The following SHLD2 variants were observed in gnomAD, a reference collection of about 807,000 sequenced individuals.
The protein encoded by SHLD2 is shieldin complex subunit 2.
Under a neutral mutation model 73.2 loss-of-function variants are expected in SHLD2, and 30 were observed. That is an observed-to-expected ratio of 0.41 (90% CI 0.31 to 0.56). SHLD2 has a LOEUF of 0.56. Among genes scored for constraint, SHLD2 ranks in the 20% least tolerant of loss-of-function variants. SHLD2 has a pLI of 0.28. For synonymous variants in SHLD2, 285 were observed against 370.1 expected, an observed-to-expected ratio of 0.77 and a Z score of 2.64; for missense variants, 745 against 1,055.9, an observed-to-expected ratio of 0.71 and a Z score of 4.08.
intron 2 of SHLD2, among the ~76,000 whole-genome samples, chr10:87,135,949 A>G (rs1262391583): frequency 2.0e-5 from 3 of 151,448 alleles, no homozygotes; most frequent in Non-Finnish European, 4.4e-5. Flanking sequence ...TACATACTGT[A>G]CTCTTTGGAA....
chr10:87,161,011 G>A (rs1417130603), intron 4 of SHLD2, among the ~76,000 whole-genome samples: 3 of 151,532 alleles, frequency 2.0e-5, no homozygotes, highest in African/African-American at 7.3e-5. Context: ...GAAAGAAGAG[G>A]CATTTGAATG....
intron 2 of SHLD2, among the ~76,000 whole-genome samples, chr10:87,140,999 G>T (rs927005325): frequency 1.3e-5 from 2 of 151,706 alleles, no homozygotes; most frequent in East Asian, 1.9e-4. Flanking sequence ...CCAAAAAAAG[G>T]CGAGGCACAG....
intron 2 of SHLD2, among the ~76,000 whole-genome samples, chr10:87,118,205 A>G (rs1843372709): frequency 6.6e-6 from 1 of 152,210 alleles, no homozygotes; most frequent in African/African-American, 2.4e-5. Flanking sequence ...GCCTATAACC[A>G]GTATGGAAAC....
At chr10:87,165,670 G>C (rs905988762) in intron 4 of SHLD2, among the ~76,000 whole-genome samples, 1 of 152,142 alleles carries the variant, frequency 6.6e-6, no homozygotes, top group Admixed American at 6.5e-5. Context: ...AGACCAAAGA[G>C]AAATAACAAC....
At chr10:87,136,271 G>A (rs1425814071) in intron 2 of SHLD2, among the ~76,000 whole-genome samples, 1 of 151,910 alleles carries the variant, frequency 6.6e-6, no homozygotes, top group Non-Finnish European at 1.5e-5. Context: ...GTGTATGTGT[G>A]TTTGCACTTT....
chr10:87,172,869 C>T (rs1847687594), intron 6 of SHLD2, among the ~76,000 whole-genome samples: 1 of 151,870 alleles, frequency 6.6e-6, no homozygotes, highest in Admixed American at 6.6e-5. Context: ...TAGCAAAATG[C>T]TAGCAGTGGT....
rs764204596 is a variant in SHLD2, at chr10:87,120,254, A to ATTT, written c.-6+23266_-6+23268dup. Among the ~76,000 whole-genome samples the ATTT allele has an allele frequency of 4.9e-3, 730 of 149,598 alleles. 7 individuals carry two copies. The highest frequency in any genetic ancestry group is 0.017 in the African/African-American group (695 of 39,804). ...TATTTATTTATTTATTTATTTATTT[A>ATTT]TTTATTTTTTTGAGACAGAGTCTTG... On this transcript the variant is annotated intron_variant, in intron 2 of 9. Transcript: ENST00000298786.
chr10:87,105,128 C>T (rs1037925375), intron 2 of SHLD2, among the ~76,000 whole-genome samples: 1 of 152,114 alleles, frequency 6.6e-6, no homozygotes, highest in African/African-American at 2.4e-5. Context: ...ATGTGGACCA[C>T]CCTCTAGAAA....
intron 3 of SHLD2, chr10:87,153,915 T>G (rs1395986528): frequency 6.6e-6 from 1 of 152,210 alleles, no homozygotes; most frequent in Non-Finnish European, 1.5e-5. Flanking sequence ...TTAATTTATT[T>G]ATTTTTAAGA....
At chr10:87,148,889 T>TC (rs1845819994) in intron 2 of SHLD2, among the ~76,000 whole-genome samples, 1 of 150,744 alleles carries the variant, frequency 6.6e-6, no homozygotes, top group African/African-American at 2.4e-5. Flanking sequence ...CAACTTTTTT[T>TC]TTTTTTTTTT....
At chr10:87,121,721 G>C (rs995203737) in intron 2 of SHLD2, among the ~76,000 whole-genome samples, 6 of 150,624 alleles carry the variant, frequency 4.0e-5, no homozygotes, top group Non-Finnish European at 8.9e-5. Context: ...ATTTGGCTTT[G>C]CCTGTAATCA....
chr10:87,132,257 C>G (rs1349494242), intron 2 of SHLD2, among the ~76,000 whole-genome samples: 2 of 151,588 alleles, frequency 1.3e-5, no homozygotes, highest in Non-Finnish European at 2.9e-5. Context: ...GTTTATTTAC[C>G]AGGTTATTTG....
At chr10:87,149,405 T>C (rs962151627) in intron 2 of SHLD2, among the ~76,000 whole-genome samples, 1 of 152,028 alleles carries the variant, frequency 6.6e-6, no homozygotes, top group African/African-American at 2.4e-5. Context: ...ATAGCAATAG[T>C]AGTGATTCTT....
chr10:87,100,327 A>C (rs535242632), intron 2 of SHLD2, among the ~76,000 whole-genome samples: 1 of 152,272 alleles, frequency 6.6e-6, no homozygotes, highest in East Asian at 1.9e-4. Context: ...TATCCAGTTC[A>C]TTTGCTCAAA....
intron 4 of SHLD2, among the ~76,000 whole-genome samples, chr10:87,169,843 T>G (rs1244440241): frequency 6.6e-6 from 1 of 152,066 alleles, no homozygotes; most frequent in Non-Finnish European, 1.5e-5. Context: ...ATCCAACACT[T>G]GAAAAATATT....
intron 2 of SHLD2, among the ~76,000 whole-genome samples, chr10:87,142,569 A>G (rs555634245): frequency 6.6e-6 from 1 of 152,214 alleles, no homozygotes; most frequent in African/African-American, 2.4e-5. Flanking sequence ...AAAGTGGTCA[A>G]ACCCTGAATG....
In SHLD2 at chr10:87,152,792, T is replaced by A; in HGVS notation, c.1438T>A (p.Ser480Thr). Reference protein sequence around the residue: ...PLATVTVIDQSETKKKVFLWR... With the variant: ...PLATVTVIDQTETKKKVFLWR... ...AGCAACAGTTACAGTAATTGATCAATCAGAAACTAAGAAGAAGGTTTTTCT... is the reference window on the plus strand; with the variant it reads ...AGCAACAGTTACAGTAATTGATCAAACAGAAACTAAGAAGAAGGTTTTTCT... The change falls in exon 3 of 10, where the codon TCA becomes ACA. Residue 480 changes from serine (S) to threonine (T), a missense_variant. Transcript: ENST00000298786. 1 of 1,611,714 alleles carries A rather than the reference T, an allele frequency of 6.2e-7. No homozygotes were observed. Among genetic ancestry groups the A allele is most frequent in the Non-Finnish European group, 8.5e-7 (1 of 1,179,806 alleles).
At chr10:87,141,595 A>G (rs1166123554) in intron 2 of SHLD2, among the ~76,000 whole-genome samples, 3 of 152,086 alleles carry the variant, frequency 2.0e-5, no homozygotes, top group Non-Finnish European at 4.4e-5. Context: ...CAGTGGGGTG[A>G]GTATAGTTAA....
intron 2 of SHLD2, among the ~76,000 whole-genome samples, chr10:87,126,902 A>C (rs1199971478): frequency 1.3e-5 from 2 of 152,234 alleles, no homozygotes; most frequent in Non-Finnish European, 2.9e-5. Flanking sequence ...TAAGCTCCTG[A>C]TAGAAGGCAG....
Sources: allele counts gnomAD v4.1 joint callset (sites outside exome capture counted in the v4.1 genomes callset), GRCh38; gene constraint gnomAD v4.1.1; transcripts MANE v1.5; gene names NCBI Gene and HGNC (gene_info 2026-07-23, HGNC 2026-07-21).